The following KDM5C variants were observed in gnomAD, a reference collection of about 807,000 sequenced individuals.
KDM5C encodes lysine demethylase 5C, also known as lysine-specific demethylase 5C.
KDM5C carries 16 observed loss-of-function variants against 110.6 expected under a neutral mutation model. The observed-to-expected ratio is 0.14, with a 90% CI of 0.10 to 0.22. The LOEUF (loss-of-function observed/expected upper bound fraction) is 0.22, where lower values mean the gene tolerates loss of function less well. KDM5C is among the 10% of genes least tolerant of loss of function. The probability of loss-of-function intolerance (pLI) is 1.00; values close to 1 mark genes in which losing one functional copy is unlikely to be tolerated. For synonymous variants in KDM5C, 511 were observed against 520.4 expected (o/e 0.98, Z 0.24); for missense variants, 681 against 1,300.9 (o/e 0.52, Z 7.33).
chrX:53,181,454 C>T (rs1239554477), intron 25 of KDM5C, among the ~76,000 whole-genome samples: 1 of 110,457 alleles, frequency 9.1e-6, no homozygotes, highest in Non-Finnish European at 1.9e-5. Flanking sequence ...GCTGGTCCTG[C>T]CTGACTTGGG....
chrX:53,216,691 G>C (rs2146943303), intron 5 of KDM5C, among the ~76,000 whole-genome samples: 1 of 111,855 alleles, frequency 8.9e-6, no homozygotes, highest in Non-Finnish European at 1.9e-5. Flanking sequence ...TGTAGTCCTA[G>C]CTACTCCAGA....
rs1401658126 is a variant in KDM5C, at chrX:53,193,046, C to T, written c.4604G>A (p.Gly1535Asp). 1 of 1,205,038 alleles carries T rather than the reference C, an allele frequency of 8.3e-7. No individual in the cohort carries two copies. Among genetic ancestry groups the T allele is most frequent in the Non-Finnish European group, 1.1e-6 (1 of 892,152 alleles). The change falls in exon 26 of 26, where the codon GGC (glycine) becomes GAC (aspartate). Residue 1535 changes from glycine (G) to aspartate (D), a missense_variant. Coordinates refer to ENST00000375401, the MANE Select transcript of KDM5C (RefSeq NM_004187.5). ...CAGAGTGGAGAAAGGGGCCGAGGGGCCTGAAGTGGTCCCTTCCGCCGGTTC... is the reference window on the plus strand; with the variant it reads ...CAGAGTGGAGAAAGGGGCCGAGGGGTCTGAAGTGGTCCCTTCCGCCGGTTC... Reference protein sequence around the residue: ...GLEPAEGTTSGPSAPFSTLTP... With the variant: ...GLEPAEGTTSDPSAPFSTLTP...
rs1556839436 is a variant in KDM5C, at chrX:53,198,530, C to T, written c.2476G>A (p.Val826Met). The change falls in exon 17 of 26, where the codon GTG becomes ATG. Residue 826 changes from valine (V) to methionine (M), a missense_variant. Val to Met is a conservative substitution (Grantham distance 21). This residue lies in a region of KDM5C where 123 missense variants were observed against 169.0 expected (regional missense o/e 0.73). Transcript: ENST00000375401. ...KNCLSEAEAC[V>M]SRALGLVSGQ... The stretch of plus-strand genomic sequence containing the variant: ...CTGACCAGTCCCAGAGCTCGGGACA[C>T]GCAAGCCTCTGCCTCACTCAGGCAG... 2 of 1,208,098 alleles carry T rather than the reference C, an allele frequency of 1.7e-6. No homozygotes were observed.
At chrX:53,211,974 C>A (rs1322299653) in intron 8 of KDM5C, 68 bp from the exon 9 acceptor site, 3 of 1,169,859 alleles carry the variant, frequency 2.6e-6, no homozygotes, top group Non-Finnish European at 3.5e-6. Flanking sequence ...CCAAGTGGAA[C>A]TGGAATATAA....
At chrX:53,201,398 G>T in intron 14 of KDM5C, 152 bp downstream of exon 14, 3 of 549,993 alleles carry the variant, frequency 5.5e-6, no homozygotes, top group Non-Finnish European at 9.5e-6. Context: ...CTGGTAAAGG[G>T]TATAGCAGAG....
chrX:53,221,799 G>A, intron 1 of KDM5C: 1 of 910,225 alleles, frequency 1.1e-6, no homozygotes, highest in Non-Finnish European at 1.4e-6. Context: ...CCTGACTGTG[G>A]TGGCAAAGAA....
intron 12 of KDM5C, among the ~76,000 whole-genome samples, chrX:53,208,429 AT>A: frequency 1.0e-5 from 1 of 98,612 alleles, no homozygotes; most frequent in East Asian, 3.3e-4. Flanking sequence ...ATATATATAT[AT>A]ATATATATAT....
At chrX:53,220,798 T>G in intron 2 of KDM5C, 41 bp downstream of exon 2, 2 of 1,079,472 alleles carry the variant, frequency 1.9e-6, no homozygotes, top group East Asian at 6.0e-5. Context: ...AACTCAGGTA[T>G]ACATTCTCCC....
intron 2 of KDM5C, 117 bp downstream of exon 2, chrX:53,220,722 G>A (rs1234773679): frequency 1.7e-6 from 1 of 603,092 alleles, no homozygotes; most frequent in Admixed American, 2.7e-5. Flanking sequence ...TTTCACAGAA[G>A]AGAGAATAAA....
At chrX:53,204,073 G>A (rs1196987369) in intron 12 of KDM5C, among the ~76,000 whole-genome samples, 5 of 110,935 alleles carry the variant, frequency 4.5e-5, no homozygotes, top group African/African-American at 1.6e-4. Flanking sequence ...GTGGCTGCCT[G>A]CTTATATTTA....
intron 1 of KDM5C, chrX:53,221,828 G>C (rs868959061): frequency 2.7e-6 from 2 of 727,909 alleles, no homozygotes; most frequent in African/African-American, 4.4e-5. Flanking sequence ...TTTGGGGAGG[G>C]AAGTCAGGGA....
rs782049730 is a variant in KDM5C at position 53,218,588 on chromosome X, GTTTT to G, written c.229-194_229-191del. The G allele has an allele frequency of 3.7e-4, 192 of 521,941 alleles. 1 individual carries two copies. The East Asian group carries it at 7.0e-3, about 19-fold the overall frequency. The allele number at this position is 521,941 out of a possible 1,213,427, so 43.0% of individuals were successfully genotyped here. ...CCTCACTCTCATTTCTTTCGTTTTT[GTTTT>G]TTTGAGACGGTCTTGCTCTGTCGCC... is the stretch of plus-strand genomic sequence containing the variant. On this transcript the variant is annotated intron_variant, in intron 2 of 25. Coordinates refer to ENST00000375401, the MANE Select transcript of KDM5C (RefSeq NM_004187.5).
chrX:53,201,248 G>T (rs1486769974), intron 14 of KDM5C: 1 of 335,072 alleles, frequency 3.0e-6, no homozygotes, highest in East Asian at 5.7e-5. Flanking sequence ...ATAAATAGCT[G>T]CTATACCAGT....
At chrX:53,218,086 G>C in intron 3 of KDM5C, 120 bp from the exon 4 acceptor site, 1 of 897,384 alleles carries the variant, frequency 1.1e-6, no homozygotes, top group Admixed American at 2.6e-5. Flanking sequence ...TTCACTGGGG[G>C]CTATCCCCTT....
Position 53,218,457 on chromosome X carries a change from G to C in KDM5C, c.229-59C>G. 6 of 1,176,782 alleles carry C rather than the reference G, an allele frequency of 5.1e-6. No homozygotes were observed. The South Asian group carries it at 1.1e-4, about 21-fold the overall frequency. ...CCCCTCCCACTGACCACTATCTTTG[G>C]GTCCAGTCTTAGGGGAGAACAGAGG... On this transcript the variant is annotated intron_variant, in intron 2 of 25. Transcript: ENST00000375401.
downstream of KDM5C, among the ~76,000 whole-genome samples, chrX:53,190,539 C>G (rs1341671551): frequency 8.9e-6 from 1 of 112,071 alleles, no homozygotes; most frequent in African/African-American, 3.2e-5. Context: ...CCCATCCCAG[C>G]TCTCACACTC....
chrX:53,202,153 ATG>A, intron 12 of KDM5C, 180 bp from the exon 13 acceptor site: 3 of 488,305 alleles, frequency 6.1e-6, no homozygotes, highest in Non-Finnish European at 1.1e-5. Flanking sequence ...CAAGGTTTTG[ATG>A]TGTGTTGAGA....
chrX:53,201,051 A>G (rs1376390483), intron 14 of KDM5C, among the ~76,000 whole-genome samples: 1 of 112,877 alleles, frequency 8.9e-6, no homozygotes, highest in East Asian at 2.8e-4. Flanking sequence ...TGCAAAGGCA[A>G]TGTTAGAGAG....
rs45516096 is a variant in KDM5C, at chrX:53,194,758, A to G, written c.3439-20T>C. ...CACGATCTGCCATACCCAGGACAGGAGCAAAGTGGGTCAGCAGCCTACCCC... is the reference window on the plus strand; with the variant it reads ...CACGATCTGCCATACCCAGGACAGGGGCAAAGTGGGTCAGCAGCCTACCCC... On this transcript the variant is annotated intron_variant, in intron 22 of 25. Transcript: ENST00000375401. 8.3e-7 allele frequency: 1 copy of G among 1,209,092 alleles called. No homozygotes were observed. The highest frequency in any genetic ancestry group is 1.8e-5 in the South Asian group (1 of 56,727).
Sources: gnomAD v4.1 joint callset for allele counts (sites outside exome capture counted in the v4.1 genomes callset) on GRCh38, gnomAD v4.1.1 for gene constraint, gnomAD v4.1.1 regional missense constraint, MANE v1.5 for transcripts, NCBI Gene and HGNC (gene_info 2026-07-23, HGNC 2026-07-21) for gene names.